NCAN: variants seen among roughly 807,000 people sequenced by gnomAD.
NCAN encodes neurocan core protein.
A neutral mutation model predicts 121.8 loss-of-function variants in NCAN; 47 were observed. That is an observed-to-expected ratio of 0.39 (90% CI 0.31 to 0.49). The LOEUF is 0.49. Among genes scored for constraint, NCAN ranks in the 20% least tolerant of loss-of-function variants. The probability of loss-of-function intolerance (pLI) is 0.92; values close to 1 mark genes in which losing one functional copy is unlikely to be tolerated. For synonymous variants in NCAN, 633 were observed against 702.0 expected (o/e 0.90, Z 1.55); for missense variants, 1,517 against 1,773.4 (o/e 0.86, Z 2.60).
chr19:19,215,624 C>G (rs1205959872), intron 1 of NCAN, among the ~76,000 whole-genome samples: 1 of 152,172 alleles, frequency 6.6e-6, no homozygotes, highest in East Asian at 1.9e-4. Context: ...CAGGGGTGAG[C>G]CCCTTCCTCC....
rs774808526 is a variant in NCAN at position 19,240,588 on chromosome 19, C to T, written c.3410-15C>T. 30 of 1,613,694 alleles carry T rather than the reference C, an allele frequency of 1.9e-5. No individual in the cohort carries two copies. In the East Asian group the frequency reaches 3.1e-4, roughly 17 times the overall value. On this transcript the variant is annotated splice_polypyrimidine_tract_variant and intron_variant, in intron 11 of 14. Transcript: ENST00000252575. ...CATGGGTGAACACCCAGACCCACAA[C>T]CCCCGACCCTGCAGGCTTTGGGCAT...
chr19:19,226,356 A>T, intron 6 of NCAN, 130 bp from the exon 7 acceptor site: 1 of 727,888 alleles, frequency 1.4e-6, no homozygotes. Context: ...GGAATCTCAG[A>T]AACTACTTAG....
intron 11 of NCAN, 102 bp downstream of exon 11, chr19:19,238,513 C>A: frequency 7.1e-7 from 1 of 1,400,666 alleles, no homozygotes; most frequent in Non-Finnish European, 1.0e-6. Context: ...GTTTTCAAGA[C>A]GTCATCTTTC....
chr19:19,238,725 G>T, intron 11 of NCAN: 1 of 423,060 alleles, frequency 2.4e-6, no homozygotes, highest in Non-Finnish European at 4.4e-6. Context: ...CCCAGGGAGT[G>T]ACCATTTCTT....
chr19:19,233,042 C>T (rs1177006988), intron 8 of NCAN: 1 of 151,942 alleles, frequency 6.6e-6, no homozygotes, highest in East Asian at 1.9e-4. Context: ...AAGGGATTCT[C>T]CTGCCTCAGC....
intron 12 of NCAN, 103 bp downstream of exon 12, chr19:19,240,788 A>G: frequency 8.7e-7 from 1 of 1,144,266 alleles, no homozygotes; most frequent in Non-Finnish European, 1.3e-6. Flanking sequence ...TGGGTGTCAG[A>G]GGTCTCTAGT....
intron 8 of NCAN, among the ~76,000 whole-genome samples, chr19:19,229,017 G>A (rs980991249): frequency 2.6e-5 from 4 of 152,162 alleles, no homozygotes; most frequent in African/African-American, 7.2e-5. Flanking sequence ...AGACCAGCCT[G>A]GCCAACATGG....
chr19:19,243,447 C>T (rs1453272034), intron 12 of NCAN, among the ~76,000 whole-genome samples: 2 of 139,862 alleles, frequency 1.4e-5, no homozygotes, highest in African/African-American at 2.7e-5. Flanking sequence ...ACCTGGGAGG[C>T]GGAGGTTGCA....
At chr19:19,235,776 C>T (rs187770999) in intron 10 of NCAN, among the ~76,000 whole-genome samples, 15 of 152,114 alleles carry the variant, frequency 9.9e-5, no homozygotes, top group Non-Finnish European at 2.1e-4. Flanking sequence ...GGGTCTCACC[C>T]TGGCACCCAG....
chr19:19,230,714 TCTTTTTTTTTTTTTTC>T (rs1281700510), intron 8 of NCAN, among the ~76,000 whole-genome samples: 17 of 104,590 alleles, frequency 1.6e-4, no homozygotes, highest in Non-Finnish European at 3.1e-4. Context: ...TGGGGTGGGA[TCTTTTTTTTTTTTTTC>T]CTTTTTTTTT....
chr19:19,238,673 T>C (rs1317937982), intron 11 of NCAN: 8 of 512,808 alleles, frequency 1.6e-5, no homozygotes, highest in East Asian at 3.7e-5. Context: ...TCCAGGAATA[T>C]TGACACAGCA....
rs75142109 is a variant in NCAN at position 19,230,401 on chromosome 19, A to C, written c.3019+1762A>C. On this transcript the variant is annotated intron_variant, in intron 8 of 14. Transcript: ENST00000252575. ...TTTAACTACCGCACCCCCCACCCCC[A>C]AATTTTTTTTTTTTTTTTTTTAGAA... Among the ~76,000 whole-genome samples the C allele has an allele frequency of 3.9e-3, 208 of 53,222 alleles. 2 individuals carry two copies. The highest frequency in any genetic ancestry group is 0.012 in the African/African-American group (169 of 13,652). 34.9% of individuals were successfully genotyped at this position (53,222 alleles called of 152,430 possible).
intron 12 of NCAN, 41 bp downstream of exon 12, chr19:19,240,726 T>A (rs540674502): frequency 1.3e-6 from 2 of 1,585,088 alleles, no homozygotes; most frequent in African/African-American, 1.3e-5. Flanking sequence ...CTGAGCCACA[T>A]CAGCCCTGCC....
rs746344874 is a variant in NCAN, at chr19:19,227,919, C to T, written c.2299C>T (p.Pro767Ser). Residue 767 changes from proline to serine, a missense_variant, in exon 8 of 15, where the codon CCC (proline) becomes TCC (serine). Physicochemically the swap from Pro to Ser is moderately conservative, Grantham distance 74 (BLOSUM62 -1). Coordinates refer to ENST00000252575, the MANE Select transcript of NCAN (RefSeq NM_004386.3). This position sits in a 1 kb window ranked among gnomAD's most constrained non-coding sequence, Gnocchi z 4.2. ...ESGVFDTAES[P>S]TSGLQATVDE... is the part of the protein sequence containing the mutation. The stretch of plus-strand genomic sequence containing the variant: ...TGGGGTCTTCGACACAGCAGAAAGC[C>T]CCACTTCTGGCTTGCAGGCCACTGT... 1 of 1,613,644 alleles carries T rather than the reference C, an allele frequency of 6.2e-7. No individual in the cohort carries two copies.
chr19:19,224,576 C>A (rs986013666), intron 5 of NCAN, 143 bp downstream of exon 5: 3 of 1,163,500 alleles, frequency 2.6e-6, no homozygotes, highest in Non-Finnish European at 3.6e-6. Flanking sequence ...TGATTCCACT[C>A]ATTTTCTGAG....
At chr19:19,224,459 G>A in intron 5 of NCAN, 26 bp downstream of exon 5, 1 of 1,606,310 alleles carries the variant, frequency 6.2e-7, no homozygotes, top group South Asian at 1.1e-5. Context: ...GCAGGACCCG[G>A]CCCCTCCGCC....
intron 12 of NCAN, 106 bp from the exon 13 acceptor site, chr19:19,245,207 C>T (rs2060920103): frequency 1.4e-6 from 2 of 1,388,414 alleles, no homozygotes; most frequent in African/African-American, 1.4e-5. Flanking sequence ...CACTGAATCC[C>T]TGTGAGTTTG....
Position 19,228,338 on chromosome 19 carries a change from G to A in NCAN, c.2718G>A (p.Glu906=), listed in dbSNP as rs2060845794. 1.9e-6 allele frequency: 3 copies of A among 1,613,966 alleles called. No homozygotes were observed. Among genetic ancestry groups the A allele is most frequent in the Non-Finnish European group, 1.7e-6 (2 of 1,180,036 alleles). ...ACCCAGAGCCAGAGGATCAGGTGGA[G>A]ACCCAGGGAACATCAGGAGCTTCAG... ...QPHPEPEDQV[E]TQGTSGASVP... Residue 906 remains glutamate, a synonymous_variant, in exon 8 of 15, where the codon GAG becomes GAA. Coordinates refer to ENST00000252575, the MANE Select transcript of NCAN (RefSeq NM_004386.3).
At chr19:19,234,454 C>A (rs1599817966) in intron 9 of NCAN, among the ~76,000 whole-genome samples, 1 of 152,176 alleles carries the variant, frequency 6.6e-6, no homozygotes, top group South Asian at 2.1e-4. Flanking sequence ...TCCCTACTCA[C>A]AATCATCCTT....
Sources: gnomAD v4.1 joint callset for allele counts (sites outside exome capture counted in the v4.1 genomes callset) on GRCh38, gnomAD v4.1.1 for gene constraint, Gnocchi (gnomAD v3.1) non-coding constraint, MANE v1.5 for transcripts, NCBI Gene and HGNC (gene_info 2026-07-23, HGNC 2026-07-21) for gene names.